Variants in ZSCAN5A observed in about 807,000 individuals in gnomAD.
The protein encoded by ZSCAN5A is zinc finger and SCAN domain-containing protein 5A.
A neutral mutation model predicts 23.7 loss-of-function variants in ZSCAN5A; 12 were observed. The observed-to-expected ratio is 0.51, with a 90% confidence interval of 0.32 to 0.82. The LOEUF (loss-of-function observed/expected upper bound fraction) is 0.82, where lower values mean the gene tolerates loss of function less well. Among genes scored for constraint, ZSCAN5A ranks in the 40% least tolerant of loss-of-function variants. The pLI is 0.03. For missense variants in ZSCAN5A, 597 were observed against 617.9 expected (o/e 0.97, Z 0.36); for synonymous variants, 257 against 239.9 (o/e 1.07, Z -0.66).
intron 2 of ZSCAN5A, among the ~76,000 whole-genome samples, chr19:56,259,408 G>A (rs1029156203): frequency 2.6e-5 from 4 of 152,074 alleles, no homozygotes; most frequent in African/African-American, 4.8e-5. Context: ...CTGGACCCTC[G>A]TACGATTTCC....
intron 2 of ZSCAN5A, among the ~76,000 whole-genome samples, chr19:56,252,476 G>A (rs1568651127): frequency 6.6e-6 from 1 of 152,152 alleles, no homozygotes; most frequent in Non-Finnish European, 1.5e-5. Context: ...TCCCAAGCTG[G>A]TCTGAATGTG....
chr19:56,287,658 C>T (rs557628215), intron 2 of ZSCAN5A, among the ~76,000 whole-genome samples: 10 of 152,210 alleles, frequency 6.6e-5, no homozygotes, highest in Middle Eastern at 6.8e-3. Flanking sequence ...GGTATAATAA[C>T]GGCAGGGGGT....
At chr19:56,357,390 C>T (rs772272625) in intron 2 of ZSCAN5A, among the ~76,000 whole-genome samples, 12 of 148,330 alleles carry the variant, frequency 8.1e-5, no homozygotes, top group South Asian at 4.3e-4. Flanking sequence ...TGTTGGTACA[C>T]GCAGTATTTT....
chr19:56,313,249 G>C, intron 2 of ZSCAN5A, 34 bp downstream of exon 2: 2 of 348,702 alleles, frequency 5.7e-6, no homozygotes, highest in Non-Finnish European at 1.1e-5. Flanking sequence ...TCCAAGACTG[G>C]GCAATTTACA....
At chr19:56,367,437 G>T (rs2041777445) in intron 1 of ZSCAN5A, 1 of 152,186 alleles carries the variant, frequency 6.6e-6, no homozygotes, top group Admixed American at 6.5e-5. Flanking sequence ...CCTCACAAAT[G>T]GAGATGGAGG....
At chr19:56,302,537 TCCTCCCCGTTCCTCCCTC>T (rs1411515761) in intron 2 of ZSCAN5A, among the ~76,000 whole-genome samples, 4 of 49,280 alleles carry the variant, frequency 8.1e-5, no homozygotes, top group Non-Finnish European at 1.8e-4. Context: ...TCCCTCTTCT[TCCTCCCCGTTCCTCCCTC>T]CCTCCCCCCT....
intron 2 of ZSCAN5A, among the ~76,000 whole-genome samples, chr19:56,253,267 C>CAA (rs60969244): frequency 8.3e-5 from 9 of 109,068 alleles, no homozygotes; most frequent in African/African-American, 1.8e-4. Flanking sequence ...GAGGCTGTCT[C>CAA]AAAAAAAAAA....
chr19:56,340,269 C>T (rs553337212), intron 2 of ZSCAN5A, among the ~76,000 whole-genome samples: 1 of 152,208 alleles, frequency 6.6e-6, no homozygotes, highest in African/African-American at 2.4e-5. Flanking sequence ...GCCCCCCTAT[C>T]ATCTTTCTGT....
At chr19:56,256,545 G>A (rs543280432) in intron 2 of ZSCAN5A, among the ~76,000 whole-genome samples, 8 of 152,202 alleles carry the variant, frequency 5.3e-5, no homozygotes, top group East Asian at 1.9e-4. Context: ...AGGTGTGTGC[G>A]TGTATACATA....
intron 2 of ZSCAN5A, among the ~76,000 whole-genome samples, chr19:56,238,245 G>A (rs972576050): frequency 3.6e-4 from 55 of 151,974 alleles, no homozygotes; most frequent in African/African-American, 1.3e-3. Context: ...GGGAGGCTGA[G>A]GCAGGAGGAT....
At chr19:56,290,981 T>C (rs1446188119) in intron 2 of ZSCAN5A, among the ~76,000 whole-genome samples, 1 of 152,228 alleles carries the variant, frequency 6.6e-6, no homozygotes, top group Non-Finnish European at 1.5e-5. Context: ...ACCCTCCATC[T>C]GCTGCTCCCC....
chr19:56,346,833 T>C (rs2041637066), intron 2 of ZSCAN5A, among the ~76,000 whole-genome samples: 1 of 152,164 alleles, frequency 6.6e-6, no homozygotes, highest in Admixed American at 6.5e-5. Context: ...GTTCACGCCA[T>C]TCTCCTGCCT....
chr19:56,228,412 A>T, intron 2 of ZSCAN5A: 3 of 985,220 alleles, frequency 3.0e-6, no homozygotes, highest in Non-Finnish European at 3.6e-6. Flanking sequence ...AGTCCATTTT[A>T]CGTAATCGGC....
At chr19:56,256,418 T>G (rs2036695877) in intron 2 of ZSCAN5A, among the ~76,000 whole-genome samples, 1 of 152,176 alleles carries the variant, frequency 6.6e-6, no homozygotes, top group Admixed American at 6.5e-5. Flanking sequence ...GGTCTTGAAC[T>G]CCTGAGCTCA....
At chr19:56,356,566 G>A (rs552527846) in intron 2 of ZSCAN5A, among the ~76,000 whole-genome samples, 2 of 147,934 alleles carry the variant, frequency 1.4e-5, no homozygotes, top group Admixed American at 6.7e-5. Context: ...GTGGGGACGG[G>A]GGCGCTACCT....
chr19:56,278,403 G>C (rs563602975), intron 2 of ZSCAN5A, among the ~76,000 whole-genome samples: 32 of 152,200 alleles, frequency 2.1e-4, no homozygotes, highest in Non-Finnish European at 3.8e-4. Flanking sequence ...CAAAGTGCTG[G>C]GATTACAGGC....
At chr19:56,319,889 G>C in intron 2 of ZSCAN5A, 2 of 875,590 alleles carry the variant, frequency 2.3e-6, no homozygotes, top group South Asian at 2.6e-5. Context: ...TTTTTGAATA[G>C]CACTCATCAG....
chr19:56,240,249 T>A (rs1334351238), intron 2 of ZSCAN5A, among the ~76,000 whole-genome samples: 1 of 151,410 alleles, frequency 6.6e-6, no homozygotes, highest in Non-Finnish European at 1.5e-5. Flanking sequence ...TCCAAATACT[T>A]CAGCAATATG....
At chr19:56,333,047 C>T (rs2041503512) in intron 2 of ZSCAN5A, among the ~76,000 whole-genome samples, 2 of 151,958 alleles carry the variant, frequency 1.3e-5, no homozygotes, top group Admixed American at 1.3e-4. Context: ...GATGGAGTTC[C>T]CTTTGTGCAT....
Sources: allele counts gnomAD v4.1 joint callset (sites outside exome capture counted in the v4.1 genomes callset), GRCh38; gene constraint gnomAD v4.1.1; transcripts MANE v1.5; gene names NCBI Gene and HGNC (gene_info 2026-07-23, HGNC 2026-07-21).